DIS3L2: variants seen among roughly 807,000 people sequenced by gnomAD.
DIS3L2 encodes DIS3-like exonuclease 2.
Under a neutral mutation model 97.5 loss-of-function variants are expected in DIS3L2, and 34 were observed. The observed-to-expected ratio is 0.35, with a 90% CI of 0.27 to 0.46. The LOEUF (loss-of-function observed/expected upper bound fraction) is 0.46, where lower values mean the gene tolerates loss of function less well. Among genes scored for constraint, DIS3L2 ranks in the 20% least tolerant of loss-of-function variants. The pLI is 1.00. For synonymous variants in DIS3L2, 435 were observed against 445.2 expected (o/e 0.98, Z 0.29); for missense variants, 1,038 against 1,146.0 (o/e 0.91, Z 1.36).
At chr2:232,134,138 C>A (rs1698294514) in intron 7 of DIS3L2, among the ~76,000 whole-genome samples, 1 of 151,898 alleles carries the variant, frequency 6.6e-6, no homozygotes, top group Non-Finnish European at 1.5e-5. Context: ...AGAATTAACC[C>A]AATTTGAACA....
chr2:232,148,928 A>G (rs1304824694), intron 8 of DIS3L2, among the ~76,000 whole-genome samples: 1 of 147,748 alleles, frequency 6.8e-6, no homozygotes, highest in Admixed American at 6.8e-5. Flanking sequence ...ACATTTACTG[A>G]TTGAAGCAGC....
At chr2:231,969,303 C>T (rs535542985) in intron 1 of DIS3L2, among the ~76,000 whole-genome samples, 18 of 149,812 alleles carry the variant, frequency 1.2e-4, no homozygotes, top group Admixed American at 4.6e-4. Flanking sequence ...CTTATTAGTC[C>T]TAGACCTTTT....
At chr2:232,174,350 C>T (rs753777977) in intron 9 of DIS3L2, among the ~76,000 whole-genome samples, 5 of 151,864 alleles carry the variant, frequency 3.3e-5, no homozygotes, top group Non-Finnish European at 7.4e-5. Flanking sequence ...CTTTGGGAGG[C>T]CAAGGCTGGT....
downstream of DIS3L2, chr2:232,339,785 T>C (rs1357343343): frequency 2.2e-6 from 1 of 452,766 alleles, no homozygotes; most frequent in East Asian, 7.0e-5. Flanking sequence ...CAGGATGGGA[T>C]GTGCAGCTGT....
At chr2:232,233,709 G>T (rs1402055533) in intron 10 of DIS3L2, among the ~76,000 whole-genome samples, 1 of 152,224 alleles carries the variant, frequency 6.6e-6, no homozygotes, top group Non-Finnish European at 1.5e-5. Context: ...CCTATAGTAG[G>T]TGGCCACCCT....
chr2:232,024,366 C>T (rs753272980), intron 4 of DIS3L2, 36 bp downstream of exon 4: 4 of 1,510,320 alleles, frequency 2.6e-6, no homozygotes, highest in South Asian at 2.4e-5. Flanking sequence ...CTTTATGTCA[C>T]ATTTAATTTT....
At chr2:232,309,489 C>A (rs978810363) in intron 14 of DIS3L2, among the ~76,000 whole-genome samples, 29 of 151,944 alleles carry the variant, frequency 1.9e-4, no homozygotes, top group African/African-American at 6.5e-4. Flanking sequence ...GGGAGAGTCT[C>A]AGGCTACGGC....
At chr2:232,165,697 T>C (rs1690783120) in intron 9 of DIS3L2, among the ~76,000 whole-genome samples, 1 of 152,146 alleles carries the variant, frequency 6.6e-6, no homozygotes, top group Non-Finnish European at 1.5e-5. Flanking sequence ...CTAATTCTTT[T>C]ATTTTACTTT....
chr2:232,239,286 C>T (rs1165580057), intron 11 of DIS3L2, among the ~76,000 whole-genome samples: 1 of 152,182 alleles, frequency 6.6e-6, no homozygotes, highest in African/African-American at 2.4e-5. Flanking sequence ...GTACTTGGAC[C>T]TGGCACATTC....
chr2:232,086,118 C>G (rs1461725072), intron 5 of DIS3L2, among the ~76,000 whole-genome samples: 2 of 151,818 alleles, frequency 1.3e-5, no homozygotes, highest in Admixed American at 6.6e-5. Flanking sequence ...CCTCTACTTG[C>G]TTCATTAGTA....
intron 14 of DIS3L2, among the ~76,000 whole-genome samples, chr2:232,311,820 C>T (rs919127494): frequency 1.4e-4 from 22 of 152,292 alleles, no homozygotes; most frequent in African/African-American, 5.1e-4. Context: ...ATCCAATCTG[C>T]ATTTGTTCAG....
At chr2:232,202,904 C>G (rs1478472413) in intron 9 of DIS3L2, among the ~76,000 whole-genome samples, 1 of 152,182 alleles carries the variant, frequency 6.6e-6, no homozygotes, top group African/African-American at 2.4e-5. Context: ...AGGCGCAGCC[C>G]CACTGAGCAA....
chr2:232,101,934 C>T (rs1250613936), intron 6 of DIS3L2, among the ~76,000 whole-genome samples: 1 of 152,236 alleles, frequency 6.6e-6, no homozygotes, highest in East Asian at 1.9e-4. Flanking sequence ...CCAAGATATT[C>T]ACATGGACTC....
intron 3 of DIS3L2, among the ~76,000 whole-genome samples, chr2:232,020,606 A>G (rs1291569617): frequency 1.3e-5 from 2 of 152,160 alleles, no homozygotes; most frequent in Non-Finnish European, 2.9e-5. Flanking sequence ...GCTGGCATAC[A>G]TGAGTGAACA....
rs934344532 is a variant in DIS3L2, at chr2:232,205,059, G to A, written c.1125-5267G>A. Among the ~76,000 whole-genome samples the A allele has an allele frequency of 2.0e-5, 3 of 152,028 alleles. 1 individual carries two copies. The highest frequency in any genetic ancestry group is 7.2e-5 in the African/African-American group (3 of 41,380). ...TTCTGAGAGCCCTCTGAGTTTTGCT[G>A]TCAAGAGGTTCGTTCTCTTAGTAGT... is the stretch of plus-strand genomic sequence containing the variant. On this transcript the variant is annotated intron_variant, in intron 9 of 20. Transcript: ENST00000325385.
chr2:232,165,524 AATTATT>A (rs1332003392), intron 9 of DIS3L2, among the ~76,000 whole-genome samples: 3 of 152,074 alleles, frequency 2.0e-5, no homozygotes, highest in Admixed American at 6.6e-5. Flanking sequence ...ATACTATTCA[AATTATT>A]ATTATTATTT....
intron 1 of DIS3L2, among the ~76,000 whole-genome samples, chr2:231,962,217 C>T (rs965969927): frequency 6.6e-6 from 1 of 151,974 alleles, no homozygotes; most frequent in Admixed American, 6.5e-5. Context: ...ATAACATGTC[C>T]TTGACGTTTG....
At chr2:232,171,485 G>A (rs1254128211) in intron 9 of DIS3L2, among the ~76,000 whole-genome samples, 1 of 152,094 alleles carries the variant, frequency 6.6e-6, no homozygotes, top group African/African-American at 2.4e-5. Flanking sequence ...ATTGTCTGCC[G>A]CATTTATCTG....
chr2:232,170,392 T>C (rs1043476607), intron 9 of DIS3L2, among the ~76,000 whole-genome samples: 7 of 152,182 alleles, frequency 4.6e-5, no homozygotes, highest in South Asian at 2.1e-4. Flanking sequence ...ATAGTTAGTA[T>C]TATTATGGAA....
Sources: gnomAD v4.1 joint callset for allele counts (sites outside exome capture counted in the v4.1 genomes callset) on GRCh38, gnomAD v4.1.1 for gene constraint, MANE v1.5 for transcripts, NCBI Gene and HGNC (gene_info 2026-07-23, HGNC 2026-07-21) for gene names.